Variants in MCPH1 observed in about 807,000 individuals in gnomAD.
MCPH1 encodes the protein microcephalin 1, also known as microcephalin.
A neutral mutation model predicts 84.5 loss-of-function variants in MCPH1; 104 were observed. The ratio of observed to expected loss-of-function variants is 1.23; its 90% CI spans 1.05 to 1.45. The LOEUF is 1.45. Among genes scored for constraint, MCPH1 ranks in the 40% most tolerant of loss-of-function variants. The pLI is 0.00. For missense variants in MCPH1, 1,498 were observed against 1,005.7 expected (o/e 1.49, Z -6.62); for synonymous variants, 514 against 366.8 (o/e 1.40, Z -4.58).
At position 6,439,091 on chromosome 8, in the gene MCPH1, C is replaced by T; in HGVS notation, c.575C>T (p.Pro192Leu). ...EMKEKRENLSPTSSQMIQQSH... is the reference protein window; with the variant it reads ...EMKEKRENLSLTSSQMIQQSH... ...AAGGAGAAAAGGGAAAATCTTTCCCCCACCTGTAAGTAATTAGTTTGTAAA... is the reference window on the plus strand; with the variant it reads ...AAGGAGAAAAGGGAAAATCTTTCCCTCACCTGTAAGTAATTAGTTTGTAAA... The change falls in exon 6 of 14, where the codon CCC (proline) becomes CTC (leucine). Residue 192 changes from proline (P) to leucine (L), a missense_variant. Pro to Leu is a moderately conservative substitution (Grantham distance 98). Transcript: ENST00000344683. 1 of 1,612,786 alleles carries T rather than the reference C, an allele frequency of 6.2e-7. No individual in the cohort carries two copies. The highest frequency in any genetic ancestry group is 8.5e-7 in the Non-Finnish European group (1 of 1,179,552).
intron 3 of MCPH1, among the ~76,000 whole-genome samples, chr8:6,420,368 T>C (rs1327256304): frequency 6.6e-6 from 1 of 152,220 alleles, no homozygotes; most frequent in African/African-American, 2.4e-5. Flanking sequence ...GTCTTAAGCG[T>C]ATTCTCCCCG....
intron 12 of MCPH1, among the ~76,000 whole-genome samples, chr8:6,567,807 C>T (rs1166284879): frequency 6.6e-6 from 1 of 152,154 alleles, no homozygotes; most frequent in Non-Finnish European, 1.5e-5. Flanking sequence ...CAGAGAAAAT[C>T]TTGGGTGTTC....
At chr8:6,492,764 A>T (rs1810789601) in intron 11 of MCPH1, among the ~76,000 whole-genome samples, 1 of 149,690 alleles carries the variant, frequency 6.7e-6, no homozygotes, top group Non-Finnish European at 1.5e-5. Context: ...AATATTATAA[A>T]ATTAATAATC....
intron 12 of MCPH1, among the ~76,000 whole-genome samples, chr8:6,609,545 C>T (rs922018643): frequency 5.9e-5 from 9 of 152,186 alleles, no homozygotes; most frequent in Admixed American, 1.3e-4. Context: ...TCGCCTTCAG[C>T]GAAAGTCAGG....
At chr8:6,421,647 A>T (rs1293282896) in intron 3 of MCPH1, among the ~76,000 whole-genome samples, 1 of 152,234 alleles carries the variant, frequency 6.6e-6, no homozygotes, top group East Asian at 1.9e-4. Flanking sequence ...AGGCATGTTC[A>T]TCTGACGATG....
At chr8:6,414,209 G>A (rs1237943674) in intron 2 of MCPH1, among the ~76,000 whole-genome samples, 4 of 152,082 alleles carry the variant, frequency 2.6e-5, no homozygotes, top group African/African-American at 4.8e-5. Context: ...GGTTTCACCA[G>A]GTTGGCTAGG....
chr8:6,516,705 A>C (rs568118201), intron 12 of MCPH1, among the ~76,000 whole-genome samples: 5 of 152,308 alleles, frequency 3.3e-5, no homozygotes, highest in African/African-American at 1.2e-4. Flanking sequence ...CTGTATCCTA[A>C]ATGGTATGCT....
At chr8:6,501,246 A>C (rs1812118651) in intron 12 of MCPH1, 1 of 152,230 alleles carries the variant, frequency 6.6e-6, no homozygotes, top group Non-Finnish European at 1.5e-5. Flanking sequence ...AAACTACGTC[A>C]AGTGGTGGGG....
intron 12 of MCPH1, among the ~76,000 whole-genome samples, chr8:6,510,015 C>T (rs956293288): frequency 6.6e-6 from 1 of 152,156 alleles, no homozygotes; most frequent in East Asian, 1.9e-4. Flanking sequence ...TGCGTATCAC[C>T]TTCACACCAT....
chr8:6,484,049 G>A (rs887828832), intron 11 of MCPH1, among the ~76,000 whole-genome samples: 1 of 152,138 alleles, frequency 6.6e-6, no homozygotes, highest in East Asian at 1.9e-4. Context: ...CCAAAAGCAT[G>A]ATGAATAACA....
intron 11 of MCPH1, among the ~76,000 whole-genome samples, chr8:6,490,519 T>C: frequency 6.6e-6 from 1 of 152,214 alleles, no homozygotes; most frequent in East Asian, 1.9e-4. Flanking sequence ...AATTCGGTTT[T>C]AGGGACAATG....
intron 13 of MCPH1, among the ~76,000 whole-genome samples, chr8:6,630,811 T>A: frequency 6.7e-6 from 1 of 149,024 alleles, no homozygotes; most frequent in African/African-American, 2.5e-5. Flanking sequence ...AAAAAACAAT[T>A]ATATATCAAC....
At chr8:6,538,265 A>G (rs751724352) in intron 12 of MCPH1, among the ~76,000 whole-genome samples, 1 of 152,200 alleles carries the variant, frequency 6.6e-6, no homozygotes, top group African/African-American at 2.4e-5. Flanking sequence ...TATTGCAACC[A>G]TCTGTCTTAC....
chr8:6,491,373 TTTC>T (rs1347189025), intron 11 of MCPH1, among the ~76,000 whole-genome samples: 65 of 132,148 alleles, frequency 4.9e-4, no homozygotes, highest in Non-Finnish European at 7.9e-4. Flanking sequence ...CTATGGTTTC[TTTC>T]TTTTTTTTTT....
At chr8:6,511,959 T>TA (rs948101889) in intron 12 of MCPH1, among the ~76,000 whole-genome samples, 11 of 151,416 alleles carry the variant, frequency 7.3e-5, no homozygotes, top group Non-Finnish European at 1.0e-4. Flanking sequence ...GTTGAAAAAA[T>TA]ATTTAACTTG....
intron 13 of MCPH1, among the ~76,000 whole-genome samples, chr8:6,641,791 G>C (rs144994157): frequency 1.3e-5 from 2 of 152,160 alleles, no homozygotes; most frequent in Admixed American, 1.3e-4. Context: ...CTTCACTGTT[G>C]TGGAGAGAAT....
rs1798318464 is a variant in MCPH1 at position 6,648,423 on chromosome 8, C to G, written c.*5374C>G. Reference sequence around the variant, plus strand: ...TATGCAGATAACAGCCCAGGGGAATCTGGGCAGCACTGTGAAACCAACATT... The same window carrying G: ...TATGCAGATAACAGCCCAGGGGAATGTGGGCAGCACTGTGAAACCAACATT... On this transcript the variant is annotated 3_prime_UTR_variant, in exon 14 of 14. Coordinates refer to ENST00000344683, the MANE Select transcript of MCPH1 (RefSeq NM_024596.5). The G allele has an allele frequency of 6.6e-6, 1 of 152,224 alleles. No homozygotes were observed. Among genetic ancestry groups the G allele is most frequent in the South Asian group, 2.1e-4 (1 of 4,828 alleles). The allele number at this position is 152,224 out of a possible 1,614,324, so 9.4% of individuals were successfully genotyped here.
At chr8:6,612,697 C>T (rs1416201903) in intron 12 of MCPH1, among the ~76,000 whole-genome samples, 3 of 152,226 alleles carry the variant, frequency 2.0e-5, no homozygotes, top group Non-Finnish European at 1.5e-5. Flanking sequence ...GCGCCTCCTC[C>T]GCTCACATCG....
chr8:6,532,207 A>T, intron 12 of MCPH1: 1 of 1,118,886 alleles, frequency 8.9e-7, no homozygotes, highest in Non-Finnish European at 1.3e-6. Flanking sequence ...TTATCAATTC[A>T]TTCCTTTTCT....
Sources: gnomAD v4.1 joint callset for allele counts (sites outside exome capture counted in the v4.1 genomes callset) on GRCh38, gnomAD v4.1.1 for gene constraint, MANE v1.5 for transcripts, NCBI Gene and HGNC (gene_info 2026-07-23, HGNC 2026-07-21) for gene names.